The following PTPRT variants were observed in gnomAD, a reference collection of about 807,000 sequenced individuals.
PTPRT encodes receptor-type tyrosine-protein phosphatase T.
Under a neutral mutation model 176.8 loss-of-function variants are expected in PTPRT, and 56 were observed. The ratio of observed to expected loss-of-function variants is 0.32; its 90% confidence interval spans 0.26 to 0.40. The LOEUF is 0.40. Ranked by LOEUF, PTPRT falls within the 10% of genes least tolerant of loss-of-function variation. The pLI is 1.00. For missense variants in PTPRT, 1,540 were observed against 1,908.2 expected (o/e 0.81, Z 3.60); for synonymous variants, 783 against 739.0 (o/e 1.06, Z -0.96).
At position 42,104,576 on chromosome 20, in the gene PTPRT, T is replaced by C; in HGVS notation, c.3533A>G (p.Glu1178Gly). The change falls in exon 25 of 31, where the codon GAA (glutamate) becomes GGA (glycine). Residue 1178 changes from glutamate to glycine, a missense_variant. Around this residue, in one of 11 missense-constraint regions of PTPRT, gnomAD observed 342 missense variants for 394.0 expected, o/e 0.87. Transcript: ENST00000373187. ...CCTGGGATTTGCTCATACCTGAAAT[T>C]CATCTTTGATTTGGCTGGAGTTTGT... ...PQTNSSQIKD[E>G]FQTLNIVTPR... The C allele has an allele frequency of 6.2e-7, 1 of 1,612,814 alleles. No individual in the cohort carries two copies. Among genetic ancestry groups the C allele is most frequent in the Non-Finnish European group, 8.5e-7 (1 of 1,179,052 alleles).
At position 42,218,669 on chromosome 20, in the gene PTPRT, G is replaced by A. The variant is rs140282171; in HGVS notation, c.2342+17560C>T. ...AGAAAACAACTCTGAAGGCATTGGT[G>A]TGAATCACTCTGGGAGCCAGGGCTA... is the stretch of plus-strand genomic sequence containing the variant. On this transcript the variant is annotated intron_variant, in intron 15 of 30. Coordinates refer to ENST00000373187, the MANE Select transcript of PTPRT (RefSeq NM_007050.6). Among the ~76,000 whole-genome samples the A allele has an allele frequency of 1.2e-3, 182 of 152,342 alleles. 1 individual carries two copies. The highest frequency in any genetic ancestry group is 4.1e-3 in the African/African-American group (170 of 41,586).
At chr20:42,624,008 C>A (rs199589372) in intron 7 of PTPRT, among the ~76,000 whole-genome samples, 5,586 of 115,170 alleles carry the variant, frequency 0.049, 535 homozygotes, top group African/African-American at 0.19. Flanking sequence ...ACAATAGCAA[C>A]AAACAAACAA....
At chr20:43,156,013 A>G (rs1171989240) in intron 1 of PTPRT, among the ~76,000 whole-genome samples, 3 of 152,128 alleles carry the variant, frequency 2.0e-5, no homozygotes, top group African/African-American at 7.2e-5. Flanking sequence ...AAATCTGTCC[A>G]TCATTTTATC....
At chr20:42,348,611 A>C (rs2058231533) in intron 11 of PTPRT, among the ~76,000 whole-genome samples, 1 of 152,098 alleles carries the variant, frequency 6.6e-6, no homozygotes, top group Non-Finnish European at 1.5e-5. Context: ...ACTATTATAC[A>C]ATGTTGCGAG....
rs1226829400 is a variant in PTPRT at position 42,642,659 on chromosome 20, C to T, written c.1153+35207G>A. Among the ~76,000 whole-genome samples, 4 of 152,272 alleles carry T rather than the reference C, an allele frequency of 2.6e-5. No individual in the cohort carries two copies. In the East Asian group the frequency reaches 7.7e-4, roughly 29 times the overall value. On this transcript the variant is annotated intron_variant, in intron 7 of 30. Transcript: ENST00000373187. Reference sequence around the variant, plus strand: ...ACCCAGTGAGTGGTAACTAGTATTACACTCTTTAATACCAATAATTCCCAA... The same window carrying T: ...ACCCAGTGAGTGGTAACTAGTATTATACTCTTTAATACCAATAATTCCCAA...
intron 1 of PTPRT, among the ~76,000 whole-genome samples, chr20:42,937,020 G>A (rs1418175621): frequency 6.6e-6 from 1 of 152,160 alleles, no homozygotes; most frequent in East Asian, 1.9e-4. Context: ...CACTGTACCT[G>A]CAAGTGCCTA....
Position 42,074,205 on chromosome 20 carries a change from T to A in PTPRT, c.*6674A>T, listed in dbSNP as rs1398563882. ...CCCAAAGAACACCTGACATTATTCATCTTCCATGGGAGATACAGGGACAGG... is the reference window on the plus strand; with the variant it reads ...CCCAAAGAACACCTGACATTATTCAACTTCCATGGGAGATACAGGGACAGG... On this transcript the variant is annotated 3_prime_UTR_variant, in exon 31 of 31. Coordinates refer to ENST00000373187, the MANE Select transcript of PTPRT (RefSeq NM_007050.6). 4.4e-6 allele frequency: 1 copy of A among 227,980 alleles called. No individual in the cohort carries two copies. The highest frequency in any genetic ancestry group is 8.7e-6 in the Non-Finnish European group (1 of 114,790). 14.1% of individuals were successfully genotyped at this position (227,980 alleles called of 1,614,324 possible). A position where few individuals can be genotyped will look rare whatever the true frequency, so the allele number is the denominator to read the frequency against.
At chr20:42,891,875 T>G (rs6030551) in intron 1 of PTPRT, among the ~76,000 whole-genome samples, 9,040 of 152,262 alleles carry the variant, frequency 0.059, 729 homozygotes, top group African/African-American at 0.18. Context: ...ACAGGAGTCA[T>G]CAAACATTTT....
the PTPRT span, among the ~76,000 whole-genome samples, chr20:42,065,930 T>TC: frequency 7.6e-5 from 5 of 66,022 alleles, no homozygotes; most frequent in African/African-American, 3.5e-4. Flanking sequence ...GTCAAATGTT[T>TC]TTTAAGTATT....
intron 18 of PTPRT, among the ~76,000 whole-genome samples, chr20:42,129,242 A>G (rs778948229): frequency 2.0e-5 from 3 of 152,358 alleles, no homozygotes; most frequent in Non-Finnish European, 4.4e-5. Context: ...AAGTTTACCT[A>G]TCTTCCACAC....
chr20:42,263,667 C>T (rs2056792161), intron 13 of PTPRT, among the ~76,000 whole-genome samples: 1 of 150,018 alleles, frequency 6.7e-6, no homozygotes, highest in East Asian at 2.0e-4. Context: ...ACATGAGCCA[C>T]TGCGCCGGGC....
At chr20:42,321,946 G>A (rs1047725182) in intron 11 of PTPRT, among the ~76,000 whole-genome samples, 12 of 152,256 alleles carry the variant, frequency 7.9e-5, no homozygotes, top group Non-Finnish European at 1.5e-4. Context: ...AGTGGTGGGC[G>A]CCTGTAGTCC....
At chr20:42,411,455 T>G (rs1202009493) in intron 9 of PTPRT, among the ~76,000 whole-genome samples, 1 of 142,046 alleles carries the variant, frequency 7.0e-6, no homozygotes, top group Non-Finnish European at 1.5e-5. Context: ...AGGCAGAGGT[T>G]GTAGTGAGCC....
chr20:42,686,301 A>C (rs992011375), intron 6 of PTPRT: 1 of 152,084 alleles, frequency 6.6e-6, no homozygotes, highest in African/African-American at 2.4e-5. Context: ...TCCCAGGAGC[A>C]GCCCTTACCC....
At chr20:43,143,545 G>A (rs546162985) in intron 1 of PTPRT, among the ~76,000 whole-genome samples, 2 of 152,282 alleles carry the variant, frequency 1.3e-5, no homozygotes, top group South Asian at 2.1e-4. Context: ...CATTTACAGA[G>A]GCCACATTTT....
At chr20:42,971,257 G>GA (rs1472811056) in intron 1 of PTPRT, 2 of 152,198 alleles carry the variant, frequency 1.3e-5, no homozygotes, top group Non-Finnish European at 2.9e-5. Context: ...GCTGTTTGAA[G>GA]AATTTTTCAG....
intron 16 of PTPRT, among the ~76,000 whole-genome samples, chr20:42,174,209 G>A (rs535120130): frequency 6.6e-6 from 1 of 152,226 alleles, no homozygotes; most frequent in South Asian, 2.1e-4. Flanking sequence ...AAAGAACTTA[G>A]AAGAACATGT....
At chr20:42,494,374 G>A (rs74167781) in intron 7 of PTPRT, among the ~76,000 whole-genome samples, 6,890 of 152,170 alleles carry the variant, frequency 0.045, 206 homozygotes, top group Non-Finnish European at 0.068. Context: ...TGAAGTAGAG[G>A]CTATGAAAGA....
chr20:42,035,116 G>A, the PTPRT span, among the ~76,000 whole-genome samples: 1 of 152,054 alleles, frequency 6.6e-6, no homozygotes, highest in African/African-American at 2.4e-5. Context: ...TGTCCGTCTG[G>A]GACATGGGAG....
Sources: allele counts gnomAD v4.1 joint callset (sites outside exome capture counted in the v4.1 genomes callset), GRCh38; gene constraint gnomAD v4.1.1; regional missense constraint gnomAD v4.1.1; transcripts MANE v1.5; gene names NCBI Gene and HGNC (gene_info 2026-07-23, HGNC 2026-07-21).